MANSC4: variants seen among roughly 807,000 people sequenced by gnomAD.
MANSC4 encodes the protein MANSC domain-containing protein 4.
MANSC4 carries 11 observed loss-of-function variants against 11.4 expected under a neutral mutation model. That is an observed-to-expected ratio of 0.97 (90% CI 0.61 to 1.60). MANSC4 has a LOEUF of 1.60. Among genes scored for constraint, MANSC4 ranks in the 40% most tolerant of loss-of-function variants. The pLI is 0.00. For synonymous variants in MANSC4, 123 were observed against 147.1 expected (o/e 0.84, Z 1.19); for missense variants, 354 against 404.6 (o/e 0.88, Z 1.07).
intron 3 of MANSC4, among the ~76,000 whole-genome samples, chr12:27,766,196 T>G (rs1267168877): frequency 6.6e-6 from 1 of 152,004 alleles, no homozygotes; most frequent in East Asian, 1.9e-4. Flanking sequence ...GCCTCCTGAG[T>G]AGCTGGGACT....
intron 1 of MANSC4, among the ~76,000 whole-genome samples, chr12:27,771,900 C>T (rs774916149): frequency 2.4e-4 from 37 of 151,864 alleles, no homozygotes; most frequent in African/African-American, 8.2e-4. Flanking sequence ...AAACCTTGGC[C>T]AGGCACAGTG....
intron 2 of MANSC4, among the ~76,000 whole-genome samples, chr12:27,770,305 C>G (rs866839819): frequency 1.3e-5 from 2 of 152,080 alleles, no homozygotes; most frequent in Non-Finnish European, 2.9e-5. Context: ...CTCAGCCCCC[C>G]GCGTAGCTGG....
chr12:27,770,574 C>A (rs565225817), intron 2 of MANSC4, among the ~76,000 whole-genome samples: 28 of 152,182 alleles, frequency 1.8e-4, no homozygotes, highest in African/African-American at 6.7e-4. Flanking sequence ...TGCAGTGGTT[C>A]ACATCTGTAA....
In MANSC4 at chr12:27,762,798, C is replaced by T; in HGVS notation, c.963G>A (p.Gln321=). ...GKQQGQYKPG[Q]RKSGSLQIKN... ...TAATTTGCAAGGATCCTGATTTTCT[C>T]TGTCCTGGTTTATACTGGCCCTGCT... is the stretch of plus-strand genomic sequence containing the variant. The change falls in exon 4 of 4, where the codon CAG becomes CAA. Residue 321 remains glutamine (Q), a synonymous_variant. Transcript: ENST00000381273. 1.3e-6 allele frequency: 2 copies of T among 1,549,856 alleles called. No individual in the cohort carries two copies. The highest frequency in any genetic ancestry group is 1.4e-5 in the African/African-American group (1 of 73,016).
At chr12:27,767,201 A>G (rs1230697593) in intron 2 of MANSC4, among the ~76,000 whole-genome samples, 1 of 151,994 alleles carries the variant, frequency 6.6e-6, no homozygotes, top group Non-Finnish European at 1.5e-5. Flanking sequence ...GGCTGGTCTC[A>G]AACTCCAGAG....
intron 1 of MANSC4, among the ~76,000 whole-genome samples, chr12:27,774,985 C>G (rs1276894896): frequency 6.6e-6 from 1 of 151,712 alleles, no homozygotes; most frequent in Non-Finnish European, 1.5e-5. Context: ...GATCGCGCCA[C>G]TGCACTCCAG....
rs565846907 is a variant in MANSC4 at position 27,763,270 on chromosome 12, A to G, written c.491T>C (p.Ile164Thr). Residue 164 changes from isoleucine (I) to threonine (T), a missense_variant, in exon 4 of 4, where the codon ATA (isoleucine) becomes ACA (threonine). By Grantham distance (89) the Ile-to-Thr change is moderately conservative. Coordinates refer to ENST00000381273, the MANE Select transcript of MANSC4 (RefSeq NM_001146221.5). ...AMNLDKQTTT[I>T]NGMLPSTEAP... The stretch of plus-strand genomic sequence containing the variant: ...CTCTGTGGATGGCAGCATACCATTT[A>G]TCGTGGTGGTTTGTTTATCTAAATT... The G allele has an allele frequency of 3.9e-6, 6 of 1,551,704 alleles. No individual in the cohort carries two copies. The African/African-American group carries it at 4.1e-5, about 11-fold the overall frequency.
At chr12:27,765,206 A>G (rs2062067150) in intron 3 of MANSC4, among the ~76,000 whole-genome samples, 1 of 152,120 alleles carries the variant, frequency 6.6e-6, no homozygotes, top group Non-Finnish European at 1.5e-5. Flanking sequence ...TCCTTATTCA[A>G]TCTTCCCAAT....
rs1337003917 is a variant in MANSC4, at chr12:27,769,661, TATTAA to T, written c.229+1382_229+1386del. ...CTATCTTTTCAAAAAGATTTCCTCT[TATTAA>T]ATTAATTATTGTAGCTCCAATTTTC... is the stretch of plus-strand genomic sequence containing the variant. On this transcript the variant is annotated intron_variant, in intron 2 of 3. Transcript: ENST00000381273. Among the ~76,000 whole-genome samples the T allele has an allele frequency of 3.9e-5, 6 of 152,232 alleles. 1 individual carries two copies. Among genetic ancestry groups the T allele is most frequent in the Non-Finnish European group, 8.8e-5 (6 of 68,042 alleles).
chr12:27,773,976 C>T (rs1331115413), intron 1 of MANSC4, among the ~76,000 whole-genome samples: 1 of 152,036 alleles, frequency 6.6e-6, no homozygotes, highest in African/African-American at 2.4e-5. Context: ...GGTGAAACCT[C>T]ATCTCTACTA....
chr12:27,779,749 G>C (rs1419817877), intron 1 of MANSC4: 1 of 152,248 alleles, frequency 6.6e-6, no homozygotes, highest in Non-Finnish European at 1.5e-5. Flanking sequence ...CCCGTGTAAA[G>C]CAGCGTGGGA....
intron 1 of MANSC4, among the ~76,000 whole-genome samples, chr12:27,775,582 T>C (rs1241947940): frequency 6.6e-6 from 1 of 152,130 alleles, no homozygotes; most frequent in Non-Finnish European, 1.5e-5. Flanking sequence ...TTAAATTTTT[T>C]TGTAGAGACA....
At chr12:27,775,680 G>GA (rs1453690048) in intron 1 of MANSC4, among the ~76,000 whole-genome samples, 2 of 152,112 alleles carry the variant, frequency 1.3e-5, no homozygotes, top group East Asian at 3.9e-4. Flanking sequence ...GGGATTACAG[G>GA]AATCGGTCAC....
chr12:27,774,451 C>T (rs969007311), intron 1 of MANSC4, among the ~76,000 whole-genome samples: 1 of 151,884 alleles, frequency 6.6e-6, no homozygotes, highest in Non-Finnish European at 1.5e-5. Context: ...ATTAAATCAA[C>T]ATATGTTCAC....
chr12:27,767,127 G>A (rs978011487), intron 2 of MANSC4, among the ~76,000 whole-genome samples: 1 of 151,908 alleles, frequency 6.6e-6, no homozygotes, highest in Non-Finnish European at 1.5e-5. Flanking sequence ...CTAGAGGCAC[G>A]CATCACCATG....
intron 1 of MANSC4, among the ~76,000 whole-genome samples, chr12:27,778,082 G>A (rs1481003468): frequency 3.3e-5 from 5 of 151,890 alleles, no homozygotes; most frequent in Non-Finnish European, 5.9e-5. Flanking sequence ...AAAATTAGCC[G>A]GGTGTGGTGG....
chr12:27,768,604 T>C (rs1591809437), intron 2 of MANSC4, among the ~76,000 whole-genome samples: 3 of 150,624 alleles, frequency 2.0e-5, no homozygotes, highest in Admixed American at 2.0e-4. Flanking sequence ...GTAGAGACCA[T>C]GTGATATGAA....
chr12:27,773,880 G>A (rs1168215372), intron 1 of MANSC4, among the ~76,000 whole-genome samples: 1 of 152,192 alleles, frequency 6.6e-6, no homozygotes, highest in East Asian at 1.9e-4. Flanking sequence ...AGGCATGGTG[G>A]CTCACGCCTG....
intron 1 of MANSC4, among the ~76,000 whole-genome samples, chr12:27,776,774 T>A (rs900105351): frequency 6.6e-6 from 1 of 152,076 alleles, no homozygotes; most frequent in Non-Finnish European, 1.5e-5. Context: ...AAATAAAAAA[T>A]AAAAATTACC....
Sources: allele counts gnomAD v4.1 joint callset (sites outside exome capture counted in the v4.1 genomes callset), GRCh38; gene constraint gnomAD v4.1.1; transcripts MANE v1.5; gene names NCBI Gene and HGNC (gene_info 2026-07-23, HGNC 2026-07-21).